GPR26: variants seen among roughly 807,000 people sequenced by gnomAD.
GPR26 encodes G protein-coupled receptor 26.
GPR26 carries 15 observed loss-of-function variants against 23.1 expected under a neutral mutation model. The ratio of observed to expected loss-of-function variants is 0.65; its 90% confidence interval spans 0.43 to 1.00. The LOEUF (loss-of-function observed/expected upper bound fraction) is 1.00, where lower values mean the gene tolerates loss of function less well. Among genes scored for constraint, GPR26 ranks in the 50% least tolerant of loss-of-function variants. The pLI is 0.00. For synonymous variants in GPR26, 228 were observed against 222.1 expected (o/e 1.03, Z -0.24); for missense variants, 359 against 470.5 (o/e 0.76, Z 2.19).
In GPR26 at chr10:123,694,948, G is replaced by A. The variant is rs1277269774; in HGVS notation, c.*6788G>A. Among the ~76,000 whole-genome samples, 2 of 152,146 alleles carry A rather than the reference G, an allele frequency of 1.3e-5. No homozygotes were observed. Among genetic ancestry groups the A allele is most frequent in the African/African-American group, 4.8e-5 (2 of 41,432 alleles). On this transcript the variant is annotated 3_prime_UTR_variant, in exon 3 of 3. Coordinates refer to ENST00000284674, the MANE Select transcript of GPR26 (RefSeq NM_153442.4). ...GGGTTCGAATGTTTGTCTTCGGTAG[G>A]GAGTGCCACACATTTAATATCAATG...
At position 123,688,881 on chromosome 10, in the gene GPR26, A is replaced by G. The variant is rs1311279163; in HGVS notation, c.*721A>G. ...CAATCTTAGCATGAAAATGGTTTAA[A>G]TAGGCTGGTCCTACATGTATTAGGT... On this transcript the variant is annotated 3_prime_UTR_variant, in exon 3 of 3. Coordinates refer to ENST00000284674, the MANE Select transcript of GPR26 (RefSeq NM_153442.4). 4 of 152,524 alleles carry G rather than the reference A, an allele frequency of 2.6e-5. No individual in the cohort carries two copies. Among genetic ancestry groups the G allele is most frequent in the Non-Finnish European group, 5.9e-5 (4 of 68,338 alleles). The allele number at this position is 152,524 out of a possible 1,614,324, so 9.4% of individuals were successfully genotyped here. A position where few individuals can be genotyped will look rare whatever the true frequency, so the allele number is the denominator to read the frequency against.
At position 123,695,655 on chromosome 10, in the gene GPR26, G is replaced by A. The variant is rs1845536128; in HGVS notation, c.*7495G>A. Among the ~76,000 whole-genome samples, 2 of 152,154 alleles carry A rather than the reference G, an allele frequency of 1.3e-5. No homozygotes were observed. The highest frequency in any genetic ancestry group is 1.3e-4 in the Admixed American group (2 of 15,292). On this transcript the variant is annotated 3_prime_UTR_variant, in exon 3 of 3. Transcript: ENST00000284674. ...AGACCATAGTGACTGCTCATGCATC[G>A]GCTGAAATACCAAACACCCTGCACC... is the stretch of plus-strand genomic sequence containing the variant.
intron 2 of GPR26, among the ~76,000 whole-genome samples, chr10:123,679,340 C>T (rs566664401): frequency 1.3e-5 from 2 of 152,106 alleles, no homozygotes; most frequent in South Asian, 2.1e-4. Context: ...CTGGGATTAG[C>T]GGGAAAGTGG....
intron 1 of GPR26, among the ~76,000 whole-genome samples, chr10:123,670,315 A>G (rs1845235168): frequency 1.3e-5 from 2 of 152,156 alleles, no homozygotes; most frequent in African/African-American, 4.8e-5. Context: ...GAGAGACCCA[A>G]TTTTCTAAGA....
rs192725461 is a variant in GPR26 at position 123,669,353 on chromosome 10, A to G, written c.668+2278A>G. ...GGAGGGGATGACCAGTCCTCAAGAGACCCTGACAGCCAGTCCACCAGCTTC... is the reference window on the plus strand; with the variant it reads ...GGAGGGGATGACCAGTCCTCAAGAGGCCCTGACAGCCAGTCCACCAGCTTC... On this transcript the variant is annotated intron_variant, in intron 1 of 2. Coordinates refer to ENST00000284674, the MANE Select transcript of GPR26 (RefSeq NM_153442.4). Among the ~76,000 whole-genome samples, 23 of 152,228 alleles carry G rather than the reference A, an allele frequency of 1.5e-4. No individual in the cohort carries two copies. In the East Asian group the frequency reaches 4.4e-3, roughly 29 times the overall value.
At chr10:123,675,048 G>A (rs960934513) in intron 2 of GPR26, 117 bp downstream of exon 2, 4 of 647,242 alleles carry the variant, frequency 6.2e-6, no homozygotes, top group East Asian at 5.6e-5. Context: ...TGTTGTGGGG[G>A]GCAAGAGTGA....
intron 1 of GPR26, among the ~76,000 whole-genome samples, chr10:123,670,041 G>T (rs1258910923): frequency 6.6e-6 from 1 of 152,174 alleles, no homozygotes. Context: ...CAGGGACCTT[G>T]CTCTTCCCTG....
At chr10:123,676,857 T>C (rs1228164684) in intron 2 of GPR26, among the ~76,000 whole-genome samples, 1 of 152,170 alleles carries the variant, frequency 6.6e-6, no homozygotes, top group African/African-American at 2.4e-5. Context: ...TGTGAGGATC[T>C]AAGGACAGGG....
In GPR26 at chr10:123,667,023, A is replaced by C; in HGVS notation, c.616A>C (p.Ile206Leu). 1 of 1,609,458 alleles carries C rather than the reference A, an allele frequency of 6.2e-7. No individual in the cohort carries two copies. Among genetic ancestry groups the C allele is most frequent in the Non-Finnish European group, 8.5e-7 (1 of 1,178,112 alleles). The change falls in exon 1 of 3, where the codon ATC (isoleucine) becomes CTC (leucine). Residue 206 changes from isoleucine to leucine, a missense_variant. Ile to Leu is a conservative substitution (Grantham distance 5). Coordinates refer to ENST00000284674, the MANE Select transcript of GPR26 (RefSeq NM_153442.4). The part of the protein sequence containing the change: ...LKVARFHCKR[I>L]DVITMQTLVL... ...GGTGGCCCGCTTCCATTGCAAGCGC[A>C]TCGACGTGATCACCATGCAGACGCT...
chr10:123,673,607 A>G (rs1195610832), intron 1 of GPR26, among the ~76,000 whole-genome samples: 2 of 152,156 alleles, frequency 1.3e-5, no homozygotes, highest in Non-Finnish European at 2.9e-5. Context: ...CATTGATTCC[A>G]TGGGGATTTG....
intron 1 of GPR26, among the ~76,000 whole-genome samples, chr10:123,668,761 G>C (rs182946648): frequency 6.6e-5 from 10 of 152,298 alleles, no homozygotes; most frequent in Non-Finnish European, 1.3e-4. Context: ...TTTAACTCCC[G>C]GGACTAAAGA....
intron 1 of GPR26, among the ~76,000 whole-genome samples, chr10:123,667,474 A>G (rs1371034511): frequency 1.3e-5 from 2 of 151,260 alleles, no homozygotes; most frequent in Non-Finnish European, 2.9e-5. Context: ...ATGCTTAGGG[A>G]GCTCCTTAAG....
At chr10:123,680,836 G>T (rs1845365656) in intron 2 of GPR26, among the ~76,000 whole-genome samples, 2 of 133,566 alleles carry the variant, frequency 1.5e-5, no homozygotes, top group African/African-American at 2.8e-5. Flanking sequence ...TTGGGGGGGG[G>T]GGTTGTTTTT....
Position 123,688,121 on chromosome 10 carries a change from C to A in GPR26, c.975C>A (p.Gly325=). The A allele has an allele frequency of 6.2e-7, 1 of 1,613,174 alleles. No homozygotes were observed. The highest frequency in any genetic ancestry group is 1.3e-5 in the African/African-American group (1 of 75,060). Residue 325 remains glycine (G), a synonymous_variant, in exon 3 of 3, where the codon GGC becomes GGA. Coordinates refer to ENST00000284674, the MANE Select transcript of GPR26 (RefSeq NM_153442.4). ...CCATCCACTCCTCTGGCCTCACAGG[C>A]GACTCTCACAGCCAGAACATTCTGC... ...RRSIHSSGLT[G]DSHSQNILPV...
At position 123,688,455 on chromosome 10, in the gene GPR26, G is replaced by T; in HGVS notation, c.*295G>T. The stretch of plus-strand genomic sequence containing the variant: ...GAGGCTCCCTGGGGGATGACACTCA[G>T]TTCTGTCACTGTCAAGGATGCAGAG... On this transcript the variant is annotated 3_prime_UTR_variant, in exon 3 of 3. Transcript: ENST00000284674. 6 of 410,542 alleles carry T rather than the reference G, an allele frequency of 1.5e-5. No individual in the cohort carries two copies. In the South Asian group the frequency reaches 1.5e-4, roughly 10 times the overall value. The allele number at this position is 410,542 out of a possible 1,614,324, so 25.4% of individuals were successfully genotyped here.
In GPR26 at chr10:123,674,822, C is replaced by A. The variant is rs752719142; in HGVS notation, c.673C>A (p.Arg225=). 1 of 1,610,312 alleles carries A rather than the reference C, an allele frequency of 6.2e-7. No homozygotes were observed. Among genetic ancestry groups the A allele is most frequent in the Admixed American group, 1.7e-5 (1 of 59,982 alleles). The change falls in exon 2 of 3, where the codon CGG becomes AGG. Residue 225 remains arginine (R), a synonymous_variant. Coordinates refer to ENST00000284674, the MANE Select transcript of GPR26 (RefSeq NM_153442.4). This position sits in a 1 kb window ranked among gnomAD's most constrained non-coding sequence, Gnocchi z 4.1. ...TCTCTCCTCTCTCACATGCAGTGTG[C>A]GGGAACGCTGTCTGGAGGAGCAGAA... ...VLLVDLHPSV[R]ERCLEEQKRR... is the part of the protein sequence containing the mutation.
At chr10:123,684,508 C>A (rs926740605) in intron 2 of GPR26, among the ~76,000 whole-genome samples, 2 of 152,208 alleles carry the variant, frequency 1.3e-5, no homozygotes, top group South Asian at 4.1e-4. Flanking sequence ...CACAGAAAGA[C>A]CTCTCACAGT....
rs971808615 is a variant in GPR26 at position 123,695,854 on chromosome 10, A to G, written c.*7694A>G. Among the ~76,000 whole-genome samples the G allele has an allele frequency of 6.6e-6, 1 of 152,236 alleles. No individual in the cohort carries two copies. Among genetic ancestry groups the G allele is most frequent in the East Asian group, 1.9e-4 (1 of 5,198 alleles). ...CCTGTTTTACAACAAACATGTAAAT[A>G]CAACCTCTTTTGGAGTGCAGAAACA... On this transcript the variant is annotated 3_prime_UTR_variant, in exon 3 of 3. Coordinates refer to ENST00000284674, the MANE Select transcript of GPR26 (RefSeq NM_153442.4).
intron 1 of GPR26, among the ~76,000 whole-genome samples, chr10:123,669,050 A>G (rs192488502): frequency 6.6e-6 from 1 of 152,230 alleles, no homozygotes; most frequent in African/African-American, 2.4e-5. Context: ...TTTCCCCTCC[A>G]TTCCTCTGGG....
Sources: allele counts gnomAD v4.1 joint callset (sites outside exome capture counted in the v4.1 genomes callset), GRCh38; gene constraint gnomAD v4.1.1; non-coding constraint Gnocchi (gnomAD v3.1); transcripts MANE v1.5; gene names NCBI Gene and HGNC (gene_info 2026-07-23, HGNC 2026-07-21).